The following CAPSL variants were observed in gnomAD, a reference collection of about 807,000 sequenced individuals.
The protein encoded by CAPSL is calcyphosin-like protein.
Under a neutral mutation model 21.3 loss-of-function variants are expected in CAPSL, and 17 were observed. That is an observed-to-expected ratio of 0.80 (90% CI 0.55 to 1.20). The LOEUF is 1.20. CAPSL is among the 50% of genes most tolerant of loss of function. The pLI is 0.00. For missense variants in CAPSL, 289 were observed against 259.3 expected (o/e 1.11, Z -0.79); for synonymous variants, 102 against 89.3 (o/e 1.14, Z -0.80).
intron 1 of CAPSL, among the ~76,000 whole-genome samples, chr5:35,927,987 CAA>C (rs1738727341): frequency 1.3e-5 from 2 of 152,152 alleles, no homozygotes; most frequent in African/African-American, 2.4e-5. Flanking sequence ...AATTTATAAA[CAA>C]GAGAAATTTA....
At chr5:35,919,168 A>ATATATATAT in intron 2 of CAPSL, among the ~76,000 whole-genome samples, 1 of 113,018 alleles carries the variant, frequency 8.8e-6, no homozygotes, top group East Asian at 2.7e-4. Context: ...ATTAAAAAAA[A>ATATATATAT]AAATATATAT....
chr5:35,919,329 A>G (rs1251456413), intron 2 of CAPSL, among the ~76,000 whole-genome samples: 2 of 152,070 alleles, frequency 1.3e-5, no homozygotes, highest in Admixed American at 6.5e-5. Context: ...GAATCTTGAG[A>G]ATTTAGATAC....
At chr5:35,927,199 G>C (rs1047372987) in intron 1 of CAPSL, among the ~76,000 whole-genome samples, 4 of 152,154 alleles carry the variant, frequency 2.6e-5, no homozygotes, top group African/African-American at 9.7e-5. Context: ...CTGTCCTGTT[G>C]AGGAAGTCCT....
chr5:35,917,449 A>G (rs1025535783), intron 2 of CAPSL, among the ~76,000 whole-genome samples: 7 of 152,216 alleles, frequency 4.6e-5, no homozygotes, highest in Non-Finnish European at 1.0e-4. Flanking sequence ...CACAATAGCA[A>G]AGACTTGGAA....
At chr5:35,928,309 A>G (rs1016492062) in intron 1 of CAPSL, among the ~76,000 whole-genome samples, 15 of 152,228 alleles carry the variant, frequency 9.9e-5, no homozygotes, top group African/African-American at 3.1e-4. Flanking sequence ...ATGAATTTCA[A>G]ACATTCAAAC....
chr5:35,923,531 T>A (rs1186900647), intron 1 of CAPSL, among the ~76,000 whole-genome samples: 1 of 152,204 alleles, frequency 6.6e-6, no homozygotes, highest in African/African-American at 2.4e-5. Flanking sequence ...GATAAGCAAA[T>A]TGTGGTATAG....
At chr5:35,909,494 T>A (rs995549250) in intron 4 of CAPSL, among the ~76,000 whole-genome samples, 1 of 152,200 alleles carries the variant, frequency 6.6e-6, no homozygotes, top group African/African-American at 2.4e-5. Flanking sequence ...TAAATATATT[T>A]TATTATAATC....
chr5:35,937,432 C>T (rs1738979594), intron 1 of CAPSL, among the ~76,000 whole-genome samples: 2 of 152,200 alleles, frequency 1.3e-5, no homozygotes. Context: ...CCATAGCATT[C>T]TGTATCTCTG....
chr5:35,912,610 G>A (rs1043657709), intron 2 of CAPSL, among the ~76,000 whole-genome samples: 1 of 152,214 alleles, frequency 6.6e-6, no homozygotes, highest in Admixed American at 6.5e-5. Flanking sequence ...GGTCTGGAGT[G>A]GACCTCCAGC....
intron 2 of CAPSL, among the ~76,000 whole-genome samples, chr5:35,916,746 T>A (rs1201356358): frequency 6.6e-6 from 1 of 152,144 alleles, no homozygotes; most frequent in Non-Finnish European, 1.5e-5. Flanking sequence ...ATGTTAGACC[T>A]AAAACCATAA....
intron 2 of CAPSL, among the ~76,000 whole-genome samples, chr5:35,913,966 C>T (rs1194528797): frequency 6.6e-6 from 1 of 152,130 alleles, no homozygotes; most frequent in Non-Finnish European, 1.5e-5. Context: ...GGAAACCCAT[C>T]TCAAATGCAG....
intron 1 of CAPSL, among the ~76,000 whole-genome samples, chr5:35,925,062 C>G (rs1044507242): frequency 6.6e-6 from 1 of 152,230 alleles, no homozygotes; most frequent in Non-Finnish European, 1.5e-5. Flanking sequence ...GCTGCGCTCC[C>G]GACGCACTTG....
Position 35,932,260 on chromosome 5 carries a change from GAT to G in CAPSL, c.-1+6279_-1+6280del, listed in dbSNP as rs531167294. On this transcript the variant is annotated intron_variant, in intron 1 of 4. Transcript: ENST00000651391. Reference sequence around the variant, plus strand: ...AGAAACAGGTCATATCTCTGAAAATGATAGAGATTTACTTTACTCTCATGTAA... The same window carrying G: ...AGAAACAGGTCATATCTCTGAAAATGAGAGATTTACTTTACTCTCATGTAA... Among the ~76,000 whole-genome samples, 103 of 152,294 alleles carry G rather than the reference GAT, an allele frequency of 6.8e-4. 1 individual carries two copies. Among genetic ancestry groups the G allele is most frequent in the Non-Finnish European group, 1.2e-3 (81 of 68,034 alleles).
At chr5:35,926,760 C>G (rs1040112372) in intron 1 of CAPSL, among the ~76,000 whole-genome samples, 1 of 152,206 alleles carries the variant, frequency 6.6e-6, no homozygotes, top group Non-Finnish European at 1.5e-5. Flanking sequence ...CCCTAGAGAT[C>G]GTTGATCCAG....
intron 1 of CAPSL, among the ~76,000 whole-genome samples, chr5:35,928,056 G>A (rs948597409): frequency 9.9e-5 from 15 of 152,190 alleles, no homozygotes; most frequent in African/African-American, 3.6e-4. Context: ...CTGATTTGGT[G>A]CCTGGCAAGG....
chr5:35,921,234 A>C, intron 1 of CAPSL, 114 bp from the exon 2 acceptor site: 2 of 1,317,082 alleles, frequency 1.5e-6, no homozygotes, highest in Non-Finnish European at 2.0e-6. Context: ...CTGTCAGGAA[A>C]CCTCTCAGAA....
Position 35,910,493 on chromosome 5 carries a change from T to C in CAPSL, c.188A>G (p.Glu63Gly), listed in dbSNP as rs746611359. The C allele has an allele frequency of 1.1e-5, 17 of 1,612,578 alleles. No individual in the cohort carries two copies. The highest frequency in any genetic ancestry group is 1.4e-5 in the Non-Finnish European group (17 of 1,179,076). Residue 63 changes from glutamate to glycine, a missense_variant, in exon 3 of 5, where the codon GAA becomes GGA. By Grantham distance (98) the Glu-to-Gly change is moderately conservative. Transcript: ENST00000651391. ...DDNNRTLDFKEFMKGLNDYAV... is the reference protein window; with the variant it reads ...DDNNRTLDFKGFMKGLNDYAV... ...ATAATCATTTAACCCTTTCATAAAT[T>C]CTTTAAAATCAAGGGTTCGATTATT...
At chr5:35,924,029 A>T (rs1050825829) in intron 1 of CAPSL, among the ~76,000 whole-genome samples, 1 of 152,018 alleles carries the variant, frequency 6.6e-6, no homozygotes, top group Non-Finnish European at 1.5e-5. Flanking sequence ...TAAAAAAAAA[A>T]TTTAAAGTGT....
intron 1 of CAPSL, among the ~76,000 whole-genome samples, chr5:35,921,854 C>A (rs1738546733): frequency 6.6e-6 from 1 of 151,118 alleles, no homozygotes; most frequent in African/African-American, 2.4e-5. Context: ...TGGTAACCTG[C>A]CTGTGAGTGA....
Sources: allele counts gnomAD v4.1 joint callset (sites outside exome capture counted in the v4.1 genomes callset), GRCh38; gene constraint gnomAD v4.1.1; transcripts MANE v1.5; gene names NCBI Gene and HGNC (gene_info 2026-07-23, HGNC 2026-07-21).